Variants in ABCA9 observed in about 807,000 individuals in gnomAD.
ABCA9 encodes ATP binding cassette subfamily A member 9, also known as ATP-binding cassette sub-family A member 9.
Under a neutral mutation model 205.3 loss-of-function variants are expected in ABCA9, and 183 were observed. That is an observed-to-expected ratio of 0.89 (90% confidence interval 0.79 to 1.01). The LOEUF (loss-of-function observed/expected upper bound fraction) is 1.01. Ranked by LOEUF, ABCA9 falls within the 50% of genes least tolerant of loss-of-function variation. The pLI is 0.00. For synonymous variants in ABCA9, 651 were observed against 683.3 expected (o/e 0.95, Z 0.74); for missense variants, 1,805 against 1,912.4 (o/e 0.94, Z 1.05).
intron 37 of ABCA9, among the ~76,000 whole-genome samples, chr17:68,979,943 T>C (rs62445933): frequency 9.9e-5 from 15 of 152,126 alleles, no homozygotes; most frequent in Non-Finnish European, 4.4e-5. Flanking sequence ...TGAGATCTAA[T>C]TAAACTAAAG....
chr17:68,990,933 A>T lies in ABCA9; in HGVS notation c.3741T>A (p.Ile1247=), dbSNP rs577200894. 6.2e-7 allele frequency: 1 copy of T among 1,612,570 alleles called. No individual in the cohort carries two copies. Among genetic ancestry groups the T allele is most frequent in the African/African-American group, 1.3e-5 (1 of 74,916 alleles). ...VFRISPRSNA[I]FPNPEEPEGE... is the part of the protein sequence containing the mutation. ...CTTCAGGCTCTTCTGGGTTTGGAAAAATAGCGTTGCTTCTTGGAGAAATTC... is the reference window on the plus strand; with the variant it reads ...CTTCAGGCTCTTCTGGGTTTGGAAATATAGCGTTGCTTCTTGGAGAAATTC... The change falls in exon 29 of 39, where the codon ATT becomes ATA. Residue 1247 remains isoleucine, a synonymous_variant. Coordinates refer to ENST00000340001, the MANE Select transcript of ABCA9 (RefSeq NM_080283.4).
At chr17:69,076,922 C>G in the ABCA9 span, among the ~76,000 whole-genome samples, 1 of 151,850 alleles carries the variant, frequency 6.6e-6, no homozygotes, top group Non-Finnish European at 1.5e-5. Context: ...TTTAGTCTAG[C>G]TAGTTGTCTA....
chr17:69,043,349 T>C (rs1412252412), intron 6 of ABCA9, 140 bp downstream of exon 6: 5 of 605,710 alleles, frequency 8.3e-6, no homozygotes, highest in Middle Eastern at 4.4e-4. Flanking sequence ...CACCTCCTGC[T>C]ATGTGGCCTG....
rs76788159 is a variant in ABCA9, at chr17:69,010,399, A to G, written c.3147+1577T>C. Among the ~76,000 whole-genome samples, 626 of 152,272 alleles carry G rather than the reference A, an allele frequency of 4.1e-3. 4 individuals carry two copies. Among genetic ancestry groups the G allele is most frequent in the African/African-American group, 0.014 (602 of 41,566 alleles). ...TCCAGCCAGAAGAAATGGCCAATGT[A>G]AAGGCCCAGATGATATTGGCATATT... On this transcript the variant is annotated intron_variant, in intron 23 of 38. Coordinates refer to ENST00000340001, the MANE Select transcript of ABCA9 (RefSeq NM_080283.4).
rs758723503 is a variant in ABCA9, at chr17:69,020,352, A to G, written c.2600+36T>C. ...GCTCTCTTAAATTTATTTTTAGTTC[A>G]CAGACAAAACAAATCTGAAACACTC... On this transcript the variant is annotated intron_variant, in intron 19 of 38. Coordinates refer to ENST00000340001, the MANE Select transcript of ABCA9 (RefSeq NM_080283.4). 10 of 1,546,826 alleles carry G rather than the reference A, an allele frequency of 6.5e-6. No homozygotes were observed. The East Asian group carries it at 2.1e-4, about 32-fold the overall frequency.
At position 68,975,554 on chromosome 17, in the gene ABCA9, AAAAT is replaced by A. The variant is rs67690773; in HGVS notation, c.*357_*360del. 107,808 of 159,958 alleles carry A rather than the reference AAAAT, an allele frequency of 0.67. 36,778 individuals carry two copies. Among genetic ancestry groups the A allele is most frequent in the Middle Eastern group, 0.75 (236 of 316 alleles). The allele number at this position is 159,958 out of a possible 1,614,324, so 9.9% of individuals were successfully genotyped here. A position where few individuals can be genotyped will look rare whatever the true frequency, so the allele number is the denominator to read the frequency against. Reference sequence around the variant, plus strand: ...TGTCTTAATTTATACTTTAATCAAAAAAATAAATAAGAAAATATTTAATATTTTG... The same window carrying A: ...TGTCTTAATTTATACTTTAATCAAAAAAATAAGAAAATATTTAATATTTTG... On this transcript the variant is annotated 3_prime_UTR_variant, in exon 39 of 39. Coordinates refer to ENST00000340001, the MANE Select transcript of ABCA9 (RefSeq NM_080283.4).
At chr17:69,067,609 G>A in the ABCA9 span, among the ~76,000 whole-genome samples, 1 of 145,634 alleles carries the variant, frequency 6.9e-6, no homozygotes, top group African/African-American at 2.6e-5. Flanking sequence ...AAAAAAGAAA[G>A]AAAGAAAGAA....
intron 6 of ABCA9, chr17:69,042,550 A>G (rs1361701503): frequency 6.6e-6 from 1 of 152,230 alleles, no homozygotes. Flanking sequence ...TGGGTCAAAA[A>G]TCAATCACCA....
rs2071618320 is a variant in ABCA9, at chr17:69,043,573, T to C, written c.716A>G (p.Tyr239Cys). The part of the protein sequence containing the change: ...FCIISFSTFI[Y>C]YVSVNVTQER... Reference sequence around the variant, plus strand: ...TTGTGTAACATTGACTGATACATAGTATATAAATGTAGAAAAAGAAATAAT... The same window carrying C: ...TTGTGTAACATTGACTGATACATAGCATATAAATGTAGAAAAAGAAATAAT... Residue 239 changes from tyrosine (Y) to cysteine (C), a missense_variant, in exon 6 of 39, where the codon TAC becomes TGC. Physicochemically the swap from Tyr to Cys is radical, Grantham distance 194. Coordinates refer to ENST00000340001, the MANE Select transcript of ABCA9 (RefSeq NM_080283.4). 6.2e-7 allele frequency: 1 copy of C among 1,612,382 alleles called. No homozygotes were observed. Among genetic ancestry groups the C allele is most frequent in the Middle Eastern group, 1.7e-4 (1 of 6,024 alleles).
Position 69,029,245 on chromosome 17 carries a change from A to T in ABCA9, c.1446-18T>A, listed in dbSNP as rs760550535. ...TTTTGATTCTGAAAAAAAGAGGGAAATGTTTTCAGAGAATTGTAAAAATGT... is the reference window on the plus strand; with the variant it reads ...TTTTGATTCTGAAAAAAAGAGGGAATTGTTTTCAGAGAATTGTAAAAATGT... On this transcript the variant is annotated intron_variant, in intron 10 of 38. Transcript: ENST00000340001. The T allele has an allele frequency of 6.7e-7, 1 of 1,484,920 alleles. No individual in the cohort carries two copies. The highest frequency in any genetic ancestry group is 1.4e-5 in the African/African-American group (1 of 71,544). 92.0% of individuals were successfully genotyped at this position (1,484,920 alleles called of 1,614,324 possible).
chr17:69,001,017 T>G (rs1461187791), intron 25 of ABCA9, among the ~76,000 whole-genome samples: 2 of 152,152 alleles, frequency 1.3e-5, no homozygotes, highest in Non-Finnish European at 2.9e-5. Context: ...AAGGAGATTT[T>G]GGGCTGAGAC....
chr17:69,055,517 A>G (rs2072041717), intron 1 of ABCA9, among the ~76,000 whole-genome samples: 1 of 152,206 alleles, frequency 6.6e-6, no homozygotes, highest in South Asian at 2.1e-4. Flanking sequence ...CAGTGTCAAA[A>G]TACTGAGAGA....
intron 22 of ABCA9, among the ~76,000 whole-genome samples, chr17:69,014,639 A>AAAAC (rs2070516178): frequency 1.3e-5 from 2 of 152,130 alleles, no homozygotes; most frequent in Admixed American, 1.3e-4. Flanking sequence ...TGGCTTGAAA[A>AAAAC]AAACAATGGT....
At chr17:69,054,743 T>A (rs2072014893) in intron 1 of ABCA9, among the ~76,000 whole-genome samples, 1 of 151,982 alleles carries the variant, frequency 6.6e-6, no homozygotes, top group Non-Finnish European at 1.5e-5. Context: ...CATTCATATA[T>A]AATGTTCCTG....
chr17:68,989,278 A>T (rs1177213540), intron 30 of ABCA9, 160 bp from the exon 31 acceptor site: 20 of 517,820 alleles, frequency 3.9e-5, no homozygotes, highest in East Asian at 3.1e-4. Context: ...ACACACACAC[A>T]CACACACACA....
At position 68,996,021 on chromosome 17, in the gene ABCA9, C is replaced by G; in HGVS notation, c.3436-7G>C. The stretch of plus-strand genomic sequence containing the variant: ...CTATCGAGAAGATGACCACCTAAAA[C>G]AAATGCACAGTATAGCGTCATTAAA... On this transcript the variant is annotated splice_polypyrimidine_tract_variant and splice_region_variant and intron_variant, in intron 25 of 38. Coordinates refer to ENST00000340001, the MANE Select transcript of ABCA9 (RefSeq NM_080283.4). The G allele has an allele frequency of 6.2e-7, 1 of 1,613,092 alleles. No individual in the cohort carries two copies. The highest frequency in any genetic ancestry group is 8.5e-7 in the Non-Finnish European group (1 of 1,179,798).
intron 22 of ABCA9, among the ~76,000 whole-genome samples, chr17:69,013,081 T>C (rs1035010875): frequency 5.9e-5 from 9 of 152,188 alleles, no homozygotes; most frequent in African/African-American, 1.9e-4. Context: ...TAGTACTCCA[T>C]TGTGTATATG....
At chr17:68,991,492 A>C (rs768127312) in intron 28 of ABCA9, among the ~76,000 whole-genome samples, 9 of 152,156 alleles carry the variant, frequency 5.9e-5, no homozygotes, top group Non-Finnish European at 8.8e-5. Context: ...TCTTGCCTTC[A>C]TCATCCCACC....
At chr17:69,065,072 T>C (rs1314042575), upstream of ABCA9, among the ~76,000 whole-genome samples, 1 of 152,248 alleles carries the variant, frequency 6.6e-6, no homozygotes, top group Non-Finnish European at 1.5e-5. Flanking sequence ...TTGTTTTTCT[T>C]GTGAAGACAT....
Sources: gnomAD v4.1 joint callset for allele counts (sites outside exome capture counted in the v4.1 genomes callset) on GRCh38, gnomAD v4.1.1 for gene constraint, MANE v1.5 for transcripts, NCBI Gene and HGNC (gene_info 2026-07-23, HGNC 2026-07-21) for gene names.